DAB1: variants seen among roughly 807,000 people sequenced by gnomAD.
The protein encoded by DAB1 is disabled homolog 1.
In DAB1, 15 loss-of-function variants were observed where a neutral mutation model predicts 64.6. The ratio of observed to expected loss-of-function variants is 0.23; its 90% CI spans 0.16 to 0.36. The LOEUF is 0.36. Ranked by LOEUF, DAB1 falls within the 10% of genes least tolerant of loss-of-function variation. The pLI is 1.00. For missense variants in DAB1, 596 were observed against 706.7 expected (o/e 0.84, Z 1.78); for synonymous variants, 235 against 251.9 (o/e 0.93, Z 0.64).
chr1:57,781,809 T>C (rs1650116060), intron 6 of DAB1, among the ~76,000 whole-genome samples: 1 of 152,178 alleles, frequency 6.6e-6, no homozygotes, highest in Admixed American at 6.6e-5. Flanking sequence ...ATTTGGTACC[T>C]TGAAGACAGT....
chr1:58,256,542 A>T (rs1268003555), intron 4 of DAB1, among the ~76,000 whole-genome samples: 3 of 152,234 alleles, frequency 2.0e-5, no homozygotes, highest in Non-Finnish European at 4.4e-5. Flanking sequence ...ATGTGTTCAG[A>T]TGATAATCAG....
At chr1:57,134,109 T>G (rs1261974687) in intron 4 of DAB1, among the ~76,000 whole-genome samples, 1 of 152,320 alleles carries the variant, frequency 6.6e-6, no homozygotes, top group South Asian at 2.1e-4. Context: ...GTTGCTTGAA[T>G]ACCCCCAGCG....
Position 57,039,948 on chromosome 1 carries a change from A to T in DAB1, c.724-13905T>A, listed in dbSNP as rs772478864. Among the ~76,000 whole-genome samples, 35 of 152,296 alleles carry T rather than the reference A, an allele frequency of 2.3e-4. 1 individual carries two copies. The highest frequency in any genetic ancestry group is 1.0e-3 in the South Asian group (5 of 4,832). The stretch of plus-strand genomic sequence containing the variant: ...TGTCATAAGACTGTGATCATTGGTC[A>T]TCCATTCACTTACTTCTATTTATTA... On this transcript the variant is annotated intron_variant, in intron 9 of 14. Coordinates refer to ENST00000371236, the MANE Select transcript of DAB1 (RefSeq NM_001365792.1).
At chr1:58,300,629 AGAGAGAGAGAGAGAGAGAGG>A (rs1459690543) in intron 4 of DAB1, among the ~76,000 whole-genome samples, 1,299 of 58,802 alleles carry the variant, frequency 0.022, 27 homozygotes, top group South Asian at 0.035. Flanking sequence ...AGAGAGAGAG[AGAGAGAGAGAGAGAGAGAGG>A]AAGGAAGGAA....
At chr1:58,171,041 G>A (rs968545303) in intron 4 of DAB1, among the ~76,000 whole-genome samples, 6 of 152,132 alleles carry the variant, frequency 3.9e-5, no homozygotes, top group South Asian at 2.1e-4. Flanking sequence ...CCACCTCCTC[G>A]GTTGTAATTG....
chr1:57,353,635 G>A (rs1388411420), intron 1 of DAB1, among the ~76,000 whole-genome samples: 1 of 152,088 alleles, frequency 6.6e-6, no homozygotes, highest in Non-Finnish European at 1.5e-5. Context: ...CAGAAGAAAG[G>A]GAGATGCCAG....
In DAB1 at chr1:57,907,944, CAT is replaced by C. The variant is rs748755669; in HGVS notation, n.388-23784_388-23783del. On this transcript the variant is annotated intron_variant and non_coding_transcript_variant, in intron 5 of 20. Coordinates refer to the DAB1 transcript ENST00000485760. ...ATATACACACACACACACACACACA[CAT>C]ATATATTTCACATGGAAACCAAATT... Among the ~76,000 whole-genome samples, 278 of 143,976 alleles carry C rather than the reference CAT, an allele frequency of 1.9e-3. 3 individuals are homozygous for C. The highest frequency in any genetic ancestry group is 7.3e-3 in the African/African-American group (266 of 36,428). The allele number at this position is 143,976 out of a possible 152,430, so 94.5% of individuals were successfully genotyped here.
At chr1:58,327,304 G>T (rs1335265331) in intron 4 of DAB1, among the ~76,000 whole-genome samples, 1 of 152,132 alleles carries the variant, frequency 6.6e-6, no homozygotes, top group African/African-American at 2.4e-5. Flanking sequence ...AGGGAGGAAG[G>T]AAGGAAGGAA....
chr1:57,573,712 C>T (rs1015303768), intron 7 of DAB1, among the ~76,000 whole-genome samples: 2 of 152,196 alleles, frequency 1.3e-5, no homozygotes, highest in Non-Finnish European at 2.9e-5. Context: ...ATGGTTACAG[C>T]ATCCAGGAAG....
chr1:57,885,039 CAA>C (rs1417945468), upstream of DAB1, among the ~76,000 whole-genome samples: 1 of 152,192 alleles, frequency 6.6e-6, no homozygotes, highest in Non-Finnish European at 1.5e-5. Flanking sequence ...GTGAGTCAAA[CAA>C]ATCTCTTATC....
At chr1:58,389,863 A>G (rs1029116315) in intron 3 of DAB1, among the ~76,000 whole-genome samples, 3 of 152,160 alleles carry the variant, frequency 2.0e-5, no homozygotes, top group African/African-American at 7.2e-5. Flanking sequence ...AGAGCCAAGG[A>G]GGAGGTTGTT....
intron 4 of DAB1, among the ~76,000 whole-genome samples, chr1:57,074,990 T>C (rs1314809907): frequency 1.3e-5 from 2 of 152,210 alleles, no homozygotes; most frequent in Non-Finnish European, 2.9e-5. Flanking sequence ...TTATAGGCTT[T>C]TGTGCGCTAA....
intron 1 of DAB1, among the ~76,000 whole-genome samples, chr1:57,397,479 C>G (rs1682905893): frequency 6.6e-6 from 1 of 152,140 alleles, no homozygotes; most frequent in Non-Finnish European, 1.5e-5. Context: ...CTGATTTGAT[C>G]AGTTCCCATT....
chr1:57,434,510 A>C (rs1045186013), intron 7 of DAB1, among the ~76,000 whole-genome samples: 1 of 152,226 alleles, frequency 6.6e-6, no homozygotes, highest in Non-Finnish European at 1.5e-5. Context: ...GGGTAGAAGG[A>C]ACTTTCTGGG....
intron 9 of DAB1, among the ~76,000 whole-genome samples, chr1:57,031,789 T>C (rs557142997): frequency 2.0e-5 from 3 of 152,378 alleles, no homozygotes; most frequent in South Asian, 4.1e-4. Context: ...GAATGTCAGC[T>C]TGAGATGTCT....
intron 5 of DAB1, among the ~76,000 whole-genome samples, chr1:58,116,412 T>C (rs1462357250): frequency 6.6e-6 from 1 of 152,242 alleles, no homozygotes; most frequent in Non-Finnish European, 1.5e-5. Flanking sequence ...ACATTCCTAA[T>C]TGATACAGTA....
intron 2 of DAB1, among the ~76,000 whole-genome samples, chr1:57,197,355 A>AAAG (rs72066900): frequency 9.1e-4 from 137 of 149,926 alleles, no homozygotes; most frequent in South Asian, 3.3e-3. Flanking sequence ...AAAAAAAAAA[A>AAAG]AAAGAAAGAA....
chr1:57,020,307 C>G (rs1184676146), intron 11 of DAB1, among the ~76,000 whole-genome samples: 1 of 152,214 alleles, frequency 6.6e-6, no homozygotes, highest in Non-Finnish European at 1.5e-5. Context: ...TAGCAAACAT[C>G]TGTTGAGTGC....
At chr1:58,368,436 T>A (rs1315976419) in intron 3 of DAB1, among the ~76,000 whole-genome samples, 1 of 152,180 alleles carries the variant, frequency 6.6e-6, no homozygotes, top group Non-Finnish European at 1.5e-5. Context: ...TGGGCAAGGA[T>A]AAATGAAATG....
Sources: allele counts gnomAD v4.1 joint callset (sites outside exome capture counted in the v4.1 genomes callset), GRCh38; gene constraint gnomAD v4.1.1; transcripts MANE v1.5; gene names NCBI Gene and HGNC (gene_info 2026-07-23, HGNC 2026-07-21).